ZNF519: variants seen among roughly 807,000 people sequenced by gnomAD.
ZNF519 encodes the protein similar to Zinc finger protein 85 (Zinc finger protein HPF4) (HTF1).
In ZNF519, 7 loss-of-function variants were observed where a neutral mutation model predicts 7.4. The observed-to-expected ratio is 0.94, with a 90% CI of 0.54 to 1.77. ZNF519 has a LOEUF of 1.77. Ranked by LOEUF, ZNF519 falls within the 40% of genes most tolerant of loss-of-function variation. The pLI is 0.00. For missense variants in ZNF519, 586 were observed against 623.1 expected, an observed-to-expected ratio of 0.94 and a Z score of 0.63; for synonymous variants, 179 against 203.3, an observed-to-expected ratio of 0.88 and a Z score of 1.02.
In ZNF519 at chr18:14,104,418, T is replaced by TTGTGAATGACGGCATGAGACA. The variant is rs2046177238; in HGVS notation, c.*498_*499insTGTCTCATGCCGTCATTCACA. On this transcript the variant is annotated 3_prime_UTR_variant, in exon 3 of 3. Coordinates refer to ENST00000590202, the MANE Select transcript of ZNF519 (RefSeq NM_145287.4). ...ATGCTCTTAGTCTTCCATGGGAAAC[T>TTGTGAATGACGGCATGAGACA]TGTGAATGACGTCATGAGACATGTG... The TTGTGAATGACGGCATGAGACA allele has an allele frequency of 6.5e-6, 1 of 153,106 alleles. No homozygotes were observed. Among genetic ancestry groups the TTGTGAATGACGGCATGAGACA allele is most frequent in the Non-Finnish European group, 1.5e-5 (1 of 68,720 alleles). 9.5% of individuals were successfully genotyped at this position (153,106 alleles called of 1,614,324 possible).
chr18:14,108,123 T>C (rs1204951033), intron 2 of ZNF519, among the ~76,000 whole-genome samples: 2 of 152,146 alleles, frequency 1.3e-5, no homozygotes, highest in African/African-American at 4.8e-5. Context: ...ACAGCTCACC[T>C]TGGGTGTGAT....
downstream of ZNF519, chr18:14,099,921 G>A (rs1376655844): frequency 6.6e-6 from 1 of 152,154 alleles, no homozygotes. Context: ...ATAGATGGAA[G>A]AAAATCCTTG....
chr18:14,106,473 T>C (rs915933471), intron 2 of ZNF519, 64 bp from the exon 3 acceptor site: 1 of 1,409,936 alleles, frequency 7.1e-7, no homozygotes. Flanking sequence ...ACTTTACAAA[T>C]CTAATATGAA....
At chr18:14,121,254 T>A (rs946252083) in intron 2 of ZNF519, among the ~76,000 whole-genome samples, 4 of 152,050 alleles carry the variant, frequency 2.6e-5, no homozygotes, top group Non-Finnish European at 5.9e-5. Context: ...TAATGTACAT[T>A]AGCATTAGAT....
chr18:14,107,511 T>A (rs1186473818), intron 2 of ZNF519, among the ~76,000 whole-genome samples: 1 of 152,182 alleles, frequency 6.6e-6, no homozygotes, highest in African/African-American at 2.4e-5. Flanking sequence ...CATTCACAAC[T>A]GTGGTGGCTA....
intron 2 of ZNF519, among the ~76,000 whole-genome samples, chr18:14,118,519 G>A (rs529798941): frequency 6.6e-6 from 1 of 152,220 alleles, no homozygotes; most frequent in Admixed American, 6.5e-5. Context: ...TACAGAAACA[G>A]GCAGTAGAAA....
Position 14,132,240 on chromosome 18 carries a change from C to G in ZNF519, c.3+35G>C, listed in dbSNP as rs1362206856. ...TCCAGCCGGTTCCAAGGAGCCCCCTCCCCAGTCTCGGTACGCCCTGCCCCC... is the reference window on the plus strand; with the variant it reads ...TCCAGCCGGTTCCAAGGAGCCCCCTGCCCAGTCTCGGTACGCCCTGCCCCC... On this transcript the variant is annotated intron_variant, in intron 1 of 2. Transcript: ENST00000590202. 2.5e-6 allele frequency: 4 copies of G among 1,613,014 alleles called. No individual in the cohort carries two copies. The South Asian group carries it at 3.3e-5, about 13-fold the overall frequency.
At chr18:14,108,683 G>C (rs775791580) in intron 2 of ZNF519, among the ~76,000 whole-genome samples, 6 of 150,024 alleles carry the variant, frequency 4.0e-5, no homozygotes, top group Non-Finnish European at 5.9e-5. Context: ...AGATTAAAAA[G>C]ATTTAAAAAA....
downstream of ZNF519, chr18:14,072,255 C>G (rs1020947069): frequency 1.4e-4 from 21 of 152,168 alleles, no homozygotes; most frequent in African/African-American, 4.8e-4. Context: ...TTTTGATGGA[C>G]ATAAAAACAC....
In ZNF519 at chr18:14,104,182, G is replaced by A. The variant is rs2046175981; in HGVS notation, c.*735C>T. The stretch of plus-strand genomic sequence containing the variant: ...AGGACTTCTAACTTGCTGCTATGAA[G>A]ATACATTAGAATATTAATGGACTAG... On this transcript the variant is annotated 3_prime_UTR_variant, in exon 3 of 3. Transcript: ENST00000590202. The A allele has an allele frequency of 6.6e-6, 1 of 152,146 alleles. No individual in the cohort carries two copies. The highest frequency in any genetic ancestry group is 2.4e-5 in the African/African-American group (1 of 41,424). The allele number at this position is 152,146 out of a possible 1,614,324, so 9.4% of individuals were successfully genotyped here.
Position 14,105,813 on chromosome 18 carries a change from ATT to A in ZNF519, c.725_726del (p.Lys242MetfsTer6). The part of the protein sequence containing the change: ...IGESSQRCNK[K>X]CIIVFSQSHL... ...TGTGATTGACTAAAGACTATTATAC[ATT>A]TTTTATTACATCTTTGTGAGCTCTC... On this transcript the variant is annotated frameshift_variant, in exon 3 of 3. Transcript: ENST00000590202. LOFTEE classifies it low-confidence loss of function (END_TRUNC). 6.2e-7 allele frequency: 1 copy of A among 1,602,248 alleles called. No homozygotes were observed. The highest frequency in any genetic ancestry group is 8.5e-7 in the Non-Finnish European group (1 of 1,176,588).
chr18:14,125,032 T>C (rs547461597), intron 1 of ZNF519, among the ~76,000 whole-genome samples: 25 of 152,250 alleles, frequency 1.6e-4, no homozygotes, highest in Admixed American at 7.8e-4. Context: ...TTTGCAGGTT[T>C]AAAAAGGGTC....
chr18:14,112,315 C>A (rs2046225034), intron 2 of ZNF519, among the ~76,000 whole-genome samples: 1 of 152,108 alleles, frequency 6.6e-6, no homozygotes. Context: ...AGAAACATAC[C>A]TCAACATATA....
At chr18:14,127,587 G>A (rs575154513) in intron 1 of ZNF519, among the ~76,000 whole-genome samples, 16 of 152,296 alleles carry the variant, frequency 1.1e-4, no homozygotes, top group Admixed American at 7.2e-4. Flanking sequence ...TGGCCCATGT[G>A]TGGGCATTTG....
intron 2 of ZNF519, chr18:14,123,045 A>C (rs2046277695): frequency 6.3e-6 from 1 of 158,176 alleles, no homozygotes; most frequent in African/African-American, 2.5e-5. Context: ...ACTACATTTT[A>C]AGGCCTGGCT....
At chr18:14,080,566 C>T (rs9960803) in intron 3 of ZNF519, among the ~76,000 whole-genome samples, 3,393 of 152,144 alleles carry the variant, frequency 0.022, 124 homozygotes, top group African/African-American at 0.074. Context: ...ATGATGCGCC[C>T]GCCTTGTTCT....
rs2046164019 is a variant in ZNF519 at position 14,101,913 on chromosome 18, T to C, written c.*3004A>G. 2.5e-6 allele frequency: 1 copy of C among 395,416 alleles called. No homozygotes were observed. The highest frequency in any genetic ancestry group is 1.4e-4 in the South Asian group (1 of 7,000). 24.5% of individuals were successfully genotyped at this position (395,416 alleles called of 1,614,324 possible). ...TAAACCTCCTGCCCTCTACTTTTTC[T>C]CCTAAATGCATGAAAGGCAGAGCTT... On this transcript the variant is annotated 3_prime_UTR_variant, in exon 3 of 3. Coordinates refer to ENST00000590202, the MANE Select transcript of ZNF519 (RefSeq NM_145287.4).
chr18:14,093,110 A>C lies in ZNF519; in HGVS notation c.131-8034T>G, dbSNP rs779333915. Among the ~76,000 whole-genome samples the C allele has an allele frequency of 1.6e-4, 24 of 152,336 alleles. 1 individual carries two copies. The highest frequency in any genetic ancestry group is 3.4e-4 in the Non-Finnish European group (23 of 68,034). On this transcript the variant is annotated intron_variant and NMD_transcript_variant, in intron 2 of 4. Transcript: ENST00000587419. ...GGAGTGTCTTTCTCAAGAACGTGAC[A>C]GGCATTCCTTTGAAATGTAATCATC... is the stretch of plus-strand genomic sequence containing the variant.
rs1207082454 is a variant in ZNF519 at position 14,105,362 on chromosome 18, T to A, written c.1178A>T (p.Gln393Leu). ...KAFNRSSYVT[Q>L]HQRMHTGEKP... is the part of the protein sequence containing the mutation. ...CTCTCCAGTATGCATTCTCTGATGCTGAGTAACGTATGAGCTTCTATTAAA... is the reference window on the plus strand; with the variant it reads ...CTCTCCAGTATGCATTCTCTGATGCAGAGTAACGTATGAGCTTCTATTAAA... The change falls in exon 3 of 3, where the codon CAG becomes CTG. Residue 393 changes from glutamine to leucine, a missense_variant. By Grantham distance (113) the Gln-to-Leu change is moderately radical. Coordinates refer to ENST00000590202, the MANE Select transcript of ZNF519 (RefSeq NM_145287.4). 1.2e-6 allele frequency: 2 copies of A among 1,614,082 alleles called. No homozygotes were observed. Among genetic ancestry groups the A allele is most frequent in the East Asian group, 4.5e-5 (2 of 44,860 alleles).
Sources: allele counts gnomAD v4.1 joint callset (sites outside exome capture counted in the v4.1 genomes callset), GRCh38; gene constraint gnomAD v4.1.1; transcripts MANE v1.5; gene names NCBI Gene and HGNC (gene_info 2026-07-23, HGNC 2026-07-21).